The following ZNF536 variants were observed in gnomAD, a reference collection of about 807,000 sequenced individuals.
ZNF536 encodes zinc finger protein 536.
ZNF536 carries 13 observed loss-of-function variants against 84.5 expected under a neutral mutation model. That is an observed-to-expected ratio of 0.15 (90% CI 0.10 to 0.24). ZNF536 has a LOEUF of 0.24. Among genes scored for constraint, ZNF536 ranks in the 10% least tolerant of loss-of-function variants. The pLI is 1.00. For missense variants in ZNF536, 1,536 were observed against 1,747.5 expected, an observed-to-expected ratio of 0.88 and a Z score of 2.16; for synonymous variants, 811 against 742.5, an observed-to-expected ratio of 1.09 and a Z score of -1.50.
At position 30,605,651 on chromosome 19, in the gene ZNF536, T is replaced by C. The variant is rs936985287; in HGVS notation, c.169+56137T>C. On this transcript the variant is annotated intron_variant, in intron 1 of 1. Transcript: ENST00000592773. The stretch of plus-strand genomic sequence containing the variant: ...TGAATTGTGCTTCAATAAGCCCACA[T>C]GTGTGTGGGTGTCTTTCATATAATG... Among the ~76,000 whole-genome samples, 61 of 152,326 alleles carry C rather than the reference T, an allele frequency of 4.0e-4. 1 individual carries two copies. The highest frequency in any genetic ancestry group is 1.2e-3 in the African/African-American group (49 of 41,576).
intron 1 of ZNF536, among the ~76,000 whole-genome samples, chr19:30,408,111 T>C: frequency 6.6e-6 from 1 of 152,202 alleles, no homozygotes; most frequent in East Asian, 1.9e-4. Flanking sequence ...GGGCTGTGTT[T>C]CTTTTTGTGT....
At chr19:30,642,477 G>T (rs185934072) in intron 1 of ZNF536, among the ~76,000 whole-genome samples, 2 of 152,098 alleles carry the variant, frequency 1.3e-5, no homozygotes, top group African/African-American at 4.8e-5. Flanking sequence ...GCCAGGACCC[G>T]CAAGTTGAAG....
chr19:30,534,767 T>C, intron 2 of ZNF536, 80 bp from the exon 3 acceptor site: 2 of 1,448,834 alleles, frequency 1.4e-6, no homozygotes, highest in Non-Finnish European at 1.9e-6. Flanking sequence ...TGTTTAACTT[T>C]GTGTGGTGTT....
At chr19:30,253,373 GT>G (rs1027829003) in intron 1 of ZNF536, among the ~76,000 whole-genome samples, 1 of 151,802 alleles carries the variant, frequency 6.6e-6, no homozygotes, top group Admixed American at 6.6e-5. Flanking sequence ...AAAATTTAAG[GT>G]TTTTTTTGGC....
chr19:30,402,880 G>A (rs997629359), intron 1 of ZNF536, among the ~76,000 whole-genome samples: 9 of 147,036 alleles, frequency 6.1e-5, no homozygotes, highest in African/African-American at 1.7e-4. Context: ...GGGTCGGAGG[G>A]GAATGTTACC....
intron 1 of ZNF536, among the ~76,000 whole-genome samples, chr19:30,269,262 C>T (rs76128851): frequency 1.3e-5 from 2 of 152,214 alleles, no homozygotes; most frequent in East Asian, 1.9e-4. Flanking sequence ...GGTGGGTGTC[C>T]GGAGAGGAGC....
At chr19:30,390,647 A>G (rs985853425) in intron 1 of ZNF536, among the ~76,000 whole-genome samples, 1 of 152,204 alleles carries the variant, frequency 6.6e-6, no homozygotes, top group Non-Finnish European at 1.5e-5. Flanking sequence ...TTCCAAATCT[A>G]TCGGAGCCTG....
chr19:30,413,335 C>G lies in ZNF536; in HGVS notation c.-2-30226C>G, dbSNP rs186342750. Among the ~76,000 whole-genome samples the G allele has an allele frequency of 3.4e-3, 523 of 152,282 alleles. 1 individual carries two copies. Among genetic ancestry groups the G allele is most frequent in the Non-Finnish European group, 5.6e-3 (383 of 68,012 alleles). ...GTTCATTTGTTTTCAATTCTTTTCA[C>G]TTTCTATTCATTACATTAAAGGTTA... is the stretch of plus-strand genomic sequence containing the variant. On this transcript the variant is annotated intron_variant, in intron 1 of 4. Transcript: ENST00000355537.
rs182926085 is a variant in ZNF536 at position 30,640,010 on chromosome 19, C to T, written c.170-70747C>T. Among the ~76,000 whole-genome samples, 256 of 152,246 alleles carry T rather than the reference C, an allele frequency of 1.7e-3. 2 individuals carry two copies. Among genetic ancestry groups the T allele is most frequent in the Non-Finnish European group, 3.2e-3 (218 of 68,022 alleles). On this transcript the variant is annotated intron_variant, in intron 1 of 1. Coordinates refer to the ZNF536 transcript ENST00000592773. ...CTGTAATTCCAGCACTTTGGGAGGC[C>T]GAGATGGGCAGATCACCTGAGGTCA...
intron 2 of ZNF536, among the ~76,000 whole-genome samples, chr19:30,304,525 G>C (rs1054819768): frequency 6.6e-6 from 1 of 152,202 alleles, no homozygotes; most frequent in Non-Finnish European, 1.5e-5. Flanking sequence ...GATTCAACAA[G>C]GGGGAGCCTG....
chr19:30,466,755 GGGAAGGAAGGAAGGAAGGAA>G (rs1300813936), intron 2 of ZNF536, among the ~76,000 whole-genome samples: 74 of 62,578 alleles, frequency 1.2e-3, no homozygotes, highest in African/African-American at 7.0e-3. Context: ...GAAGAAAGGA[GGGAAGGAAGGAAGGAAGGAA>G]GGAAGGAAGG....
At chr19:30,285,997 G>T (rs1475328258) in intron 2 of ZNF536, among the ~76,000 whole-genome samples, 1 of 152,218 alleles carries the variant, frequency 6.6e-6, no homozygotes. Flanking sequence ...GGAAGTCTTT[G>T]GCTTTGGGAG....
At chr19:30,489,449 G>T (rs971832998) in intron 2 of ZNF536, among the ~76,000 whole-genome samples, 1 of 152,082 alleles carries the variant, frequency 6.6e-6, no homozygotes, top group African/African-American at 2.4e-5. Context: ...AGGTGTGGTG[G>T]TGCATGTATG....
chr19:30,382,183 G>A lies in ZNF536; in HGVS notation c.-3+9627G>A, dbSNP rs147232661. On this transcript the variant is annotated intron_variant, in intron 1 of 4. Coordinates refer to ENST00000355537, the MANE Select transcript of ZNF536 (RefSeq NM_014717.3). The stretch of plus-strand genomic sequence containing the variant: ...AGCTCTGCATCCATGTCCCATTTCC[G>A]TGTTATGGCTAGCGACAGACACAGT... 1.7e-3 allele frequency among the ~76,000 whole-genome samples: 259 copies of A among 152,262 alleles called. 1 individual carries two copies. The highest frequency in any genetic ancestry group is 5.8e-3 in the African/African-American group (243 of 41,550).
intron 2 of ZNF536, among the ~76,000 whole-genome samples, chr19:30,461,426 A>C (rs533145430): frequency 5.3e-5 from 8 of 152,132 alleles, no homozygotes; most frequent in Non-Finnish European, 8.8e-5. Context: ...TCTCAGTAGG[A>C]GTCATCCCGA....
chr19:30,701,079 T>C (rs557725264), intron 1 of ZNF536, among the ~76,000 whole-genome samples: 47 of 152,308 alleles, frequency 3.1e-4, no homozygotes, highest in Non-Finnish European at 6.2e-4. Flanking sequence ...AGTAGAGATA[T>C]TTTGTGATCC....
Position 30,507,362 on chromosome 19 carries a change from A to T in ZNF536, c.2171-27485A>T, listed in dbSNP as rs1038173847. ...CGAGACTCCATCTCAAAAAAAAACC[A>T]AAAAACAAAAAACAAAAAACTGGGA... On this transcript the variant is annotated intron_variant, in intron 2 of 4. Transcript: ENST00000355537. Among the ~76,000 whole-genome samples the T allele has an allele frequency of 2.6e-5, 4 of 152,266 alleles. No homozygotes were observed. The South Asian group carries it at 8.3e-4, about 32-fold the overall frequency.
chr19:30,418,882 T>C, intron 1 of ZNF536, among the ~76,000 whole-genome samples: 1 of 152,254 alleles, frequency 6.6e-6, no homozygotes, highest in Middle Eastern at 3.2e-3. Flanking sequence ...AAAAATTTTC[T>C]TTTAAAAATT....
chr19:30,695,442 C>T (rs1165954569), intron 1 of ZNF536, among the ~76,000 whole-genome samples: 2 of 152,180 alleles, frequency 1.3e-5, no homozygotes, highest in Non-Finnish European at 2.9e-5. Context: ...AATTAAGTGC[C>T]TAATTGTGTG....
Sources: gnomAD v4.1 joint callset for allele counts (sites outside exome capture counted in the v4.1 genomes callset) on GRCh38, gnomAD v4.1.1 for gene constraint, MANE v1.5 for transcripts, NCBI Gene and HGNC (gene_info 2026-07-23, HGNC 2026-07-21) for gene names.